ANKFY1: variants seen among roughly 807,000 people sequenced by gnomAD.
ANKFY1 encodes ankyrin repeat and FYVE domain containing 1.
A neutral mutation model predicts 128.3 loss-of-function variants in ANKFY1; 47 were observed. The observed-to-expected ratio is 0.37, with a 90% confidence interval of 0.29 to 0.47. ANKFY1 has a LOEUF of 0.47. ANKFY1 is among the 20% of genes least tolerant of loss of function. The pLI, the probability that ANKFY1 is intolerant of heterozygous loss-of-function variation, is 1.00. For missense variants in ANKFY1, 1,222 were observed against 1,510.6 expected (o/e 0.81, Z 3.17); for synonymous variants, 553 against 601.6 (o/e 0.92, Z 1.18).
chr17:4,177,174 G>T lies in ANKFY1; in HGVS notation c.2727C>A (p.Pro909=). ...SRVQDASKLT[P]LHLAVQAGSE... ...AGCCTGCTTGGACAGCGAGGTGCAG[G>T]GGGGTCAACTTGGAGGCATCCTGGA... The change falls in exon 19 of 25, where the codon CCC becomes CCA. Residue 909 remains proline (P), a synonymous_variant. Transcript: ENST00000341657. 1 of 1,607,924 alleles carries T rather than the reference G, an allele frequency of 6.2e-7. No individual in the cohort carries two copies. Among genetic ancestry groups the T allele is most frequent in the African/African-American group, 1.3e-5 (1 of 74,952 alleles).
intron 4 of ANKFY1, among the ~76,000 whole-genome samples, chr17:4,214,986 AATT>A (rs1368493153): frequency 6.6e-6 from 1 of 152,150 alleles, no homozygotes; most frequent in Non-Finnish European, 1.5e-5. Context: ...AGTATACATT[AATT>A]ATCTCTTTAA....
In ANKFY1 at chr17:4,240,689, G is replaced by A. The variant is rs531513110; in HGVS notation, c.203+1567C>T. ...TTACAGGCATGCGCCACTGCGCCCAGGCACATGTTAATCTTCTTAAAACGC... is the reference window on the plus strand; with the variant it reads ...TTACAGGCATGCGCCACTGCGCCCAAGCACATGTTAATCTTCTTAAAACGC... On this transcript the variant is annotated intron_variant, in intron 2 of 24. Transcript: ENST00000341657. Among the ~76,000 whole-genome samples, 12 of 152,346 alleles carry A rather than the reference G, an allele frequency of 7.9e-5. No homozygotes were observed. In the South Asian group the frequency reaches 2.3e-3, roughly 29 times the overall value.
intron 1 of ANKFY1, chr17:4,263,571 C>G: frequency 6.6e-7 from 1 of 1,514,346 alleles, no homozygotes; most frequent in Non-Finnish European, 8.8e-7. Context: ...ACAGCAGTTT[C>G]GATTTCCTAA....
intron 1 of ANKFY1, among the ~76,000 whole-genome samples, chr17:4,257,432 C>G (rs930711964): frequency 6.6e-6 from 1 of 152,146 alleles, no homozygotes; most frequent in Non-Finnish European, 1.5e-5. Context: ...TGAACCAATG[C>G]CCTTAATAAT....
intron 1 of ANKFY1, among the ~76,000 whole-genome samples, chr17:4,254,666 T>C (rs1420772257): frequency 2.0e-5 from 3 of 152,222 alleles, no homozygotes; most frequent in African/African-American, 2.4e-5. Context: ...AAAACACCTA[T>C]ACTTACAAAC....
intron 19 of ANKFY1, 23 bp from the exon 20 acceptor site, chr17:4,174,079 C>T (rs754508754): frequency 2.2e-5 from 36 of 1,610,564 alleles, no homozygotes; most frequent in Non-Finnish European, 3.0e-5. Context: ...ATTACATGAA[C>T]AGTCAGTCTC....
chr17:4,168,003 C>G, intron 24 of ANKFY1, 92 bp from the exon 25 acceptor site: 1 of 1,429,262 alleles, frequency 7.0e-7, no homozygotes, highest in South Asian at 1.4e-5. Flanking sequence ...GGCCTGGCAG[C>G]CAAGGCGCCC....
chr17:4,243,844 C>T (rs967116627), intron 1 of ANKFY1, among the ~76,000 whole-genome samples: 1 of 152,140 alleles, frequency 6.6e-6, no homozygotes, highest in South Asian at 2.1e-4. Context: ...TCAGTGTTCA[C>T]GAGGCGCTGG....
rs2059281853 is a variant in ANKFY1 at position 4,169,837 on chromosome 17, T to C, written c.3287-549A>G. Among the ~76,000 whole-genome samples the C allele has an allele frequency of 2.0e-5, 3 of 152,290 alleles. No homozygotes were observed. In the South Asian group the frequency reaches 6.2e-4, roughly 32 times the overall value. On this transcript the variant is annotated intron_variant, in intron 23 of 24. Coordinates refer to ENST00000341657, the MANE Select transcript of ANKFY1 (RefSeq NM_001330063.2). This position sits in a 1 kb window ranked among gnomAD's most constrained non-coding sequence, Gnocchi z 5.0. Reference sequence around the variant, plus strand: ...TCACATCTAGTTTGGGAGTTACTAATGCAGACAGGAATGACAATCACTTGG... The same window carrying C: ...TCACATCTAGTTTGGGAGTTACTAACGCAGACAGGAATGACAATCACTTGG...
At chr17:4,189,323 C>T in intron 11 of ANKFY1, 59 bp downstream of exon 11, 1 of 1,423,716 alleles carries the variant, frequency 7.0e-7, no homozygotes, top group Non-Finnish European at 9.7e-7. Flanking sequence ...TACATATCCA[C>T]CACTGCCATT....
At chr17:4,193,719 G>A (rs577839254) in intron 10 of ANKFY1, among the ~76,000 whole-genome samples, 101 of 151,190 alleles carry the variant, frequency 6.7e-4, no homozygotes, top group African/African-American at 2.4e-3. Flanking sequence ...GAGCCACTGC[G>A]CCTGGCTGAC....
chr17:4,225,281 C>T (rs991818017), intron 3 of ANKFY1, among the ~76,000 whole-genome samples: 2 of 151,984 alleles, frequency 1.3e-5, no homozygotes, highest in African/African-American at 4.8e-5. Context: ...CTCTTGAAGC[C>T]GGGAGGCAGA....
chr17:4,181,217 CT>C lies in ANKFY1; in HGVS notation c.2240+36del. 1 of 1,556,136 alleles carries C rather than the reference CT, an allele frequency of 6.4e-7. No homozygotes were observed. The highest frequency in any genetic ancestry group is 1.4e-5 in the African/African-American group (1 of 73,716). On this transcript the variant is annotated intron_variant, in intron 16 of 24. Transcript: ENST00000341657. This position sits in a 1 kb window ranked among gnomAD's most constrained non-coding sequence, Gnocchi z 4.9. ...AAAGAGCCAGTTTGCAACAAGCTCA[CT>C]AAAAAGCTGTGGAGAGATACTGGGG...
chr17:4,194,112 T>TC (rs1181925109), intron 10 of ANKFY1, among the ~76,000 whole-genome samples: 1 of 136,804 alleles, frequency 7.3e-6, no homozygotes, highest in African/African-American at 2.7e-5. Context: ...TATTTTTTTT[T>TC]TTTTTTTTTT....
intron 10 of ANKFY1, among the ~76,000 whole-genome samples, chr17:4,193,904 G>A (rs993210844): frequency 6.7e-6 from 1 of 149,840 alleles, no homozygotes; most frequent in African/African-American, 2.5e-5. Flanking sequence ...GGATTACAGT[G>A]CGTGGCCACC....
chr17:4,253,946 A>G (rs2143517874), intron 1 of ANKFY1, among the ~76,000 whole-genome samples: 1 of 152,308 alleles, frequency 6.6e-6, no homozygotes, highest in East Asian at 1.9e-4. Flanking sequence ...CAACAACAAC[A>G]ACTAAGTGTC....
At chr17:4,230,770 G>C (rs575156583) in intron 3 of ANKFY1, among the ~76,000 whole-genome samples, 6 of 152,150 alleles carry the variant, frequency 3.9e-5, no homozygotes, top group African/African-American at 1.4e-4. Context: ...ACCTTAGTAA[G>C]AAATAAAAAA....
chr17:4,189,816 A>AT (rs2059685028), intron 10 of ANKFY1, among the ~76,000 whole-genome samples: 1 of 152,216 alleles, frequency 6.6e-6, no homozygotes, highest in African/African-American at 2.4e-5. Flanking sequence ...AGTAGGTATC[A>AT]TTTAAGTCCA....
chr17:4,186,893 C>G (rs1375360555), intron 11 of ANKFY1: 1 of 1,066,602 alleles, frequency 9.4e-7, no homozygotes, highest in Non-Finnish European at 1.1e-6. Flanking sequence ...GACATCCCTA[C>G]CTTAAATGTG....
Sources: allele counts gnomAD v4.1 joint callset (sites outside exome capture counted in the v4.1 genomes callset), GRCh38; gene constraint gnomAD v4.1.1; non-coding constraint Gnocchi (gnomAD v3.1); transcripts MANE v1.5; gene names NCBI Gene and HGNC (gene_info 2026-07-23, HGNC 2026-07-21).